Variants in CFH observed in about 807,000 individuals in gnomAD.
CFH encodes the protein complement factor H.
CFH carries 53 observed loss-of-function variants against 147.3 expected under a neutral mutation model. The ratio of observed to expected loss-of-function variants is 0.36; its 90% CI spans 0.29 to 0.45. CFH has a LOEUF of 0.45. Ranked by LOEUF, CFH falls within the 20% of genes least tolerant of loss-of-function variation. The pLI is 1.00. For missense variants in CFH, 1,380 were observed against 1,498.0 expected (o/e 0.92, Z 1.30); for synonymous variants, 536 against 489.4 (o/e 1.10, Z -1.26).
chr1:196,709,225 C>T (rs191076288), intron 9 of CFH, among the ~76,000 whole-genome samples: 61 of 152,252 alleles, frequency 4.0e-4, no homozygotes, highest in Admixed American at 1.4e-3. Context: ...CTGCATACTC[C>T]ATGTTTTCCA....
intron 15 of CFH, among the ~76,000 whole-genome samples, chr1:196,731,953 T>C (rs538930503): frequency 6.6e-6 from 1 of 152,180 alleles, no homozygotes; most frequent in African/African-American, 2.4e-5. Flanking sequence ...GATTGTGTTA[T>C]GTCTTAAAGT....
chr1:196,715,062 A>C (rs1490401882), intron 10 of CFH, among the ~76,000 whole-genome samples: 5 of 151,996 alleles, frequency 3.3e-5, no homozygotes. Flanking sequence ...TATGAGGTCT[A>C]GTTTACAAAA....
rs1056699865 is a variant in CFH, at chr1:196,685,203, A to G, written c.930A>G (p.Thr310=). ...PATRGNTAKC[T]STGWIPAPRC... ...CCCGGGGAAATACAGCAAAATGCACAAGTACTGGCTGGATACCTGCTCCGA... is the reference window on the plus strand; with the variant it reads ...CCCGGGGAAATACAGCAAAATGCACGAGTACTGGCTGGATACCTGCTCCGA... The change falls in exon 7 of 22, where the codon ACA becomes ACG. Residue 310 remains threonine, a synonymous_variant. Transcript: ENST00000367429. 3.1e-6 allele frequency: 5 copies of G among 1,613,016 alleles called. No homozygotes were observed. The highest frequency in any genetic ancestry group is 4.2e-6 in the Non-Finnish European group (5 of 1,179,288).
chr1:196,692,099 C>A (rs192986113), intron 9 of CFH, among the ~76,000 whole-genome samples: 3 of 152,034 alleles, frequency 2.0e-5, no homozygotes, highest in Admixed American at 1.3e-4. Context: ...AATTTTTTAA[C>A]CAGCATTGCA....
At chr1:196,732,798 G>A (rs1355607792) in intron 15 of CFH, among the ~76,000 whole-genome samples, 1 of 152,030 alleles carries the variant, frequency 6.6e-6, no homozygotes, top group African/African-American at 2.4e-5. Flanking sequence ...TTGAAGACTT[G>A]GCTGTGTATT....
At chr1:196,671,587 T>TACACACACACACACAC (rs551313147) in intron 1 of CFH, among the ~76,000 whole-genome samples, 5 of 129,514 alleles carry the variant, frequency 3.9e-5, no homozygotes, top group Admixed American at 3.2e-4. Flanking sequence ...AAAAGACTAA[T>TACACACACACACACAC]ACACACACAC....
intron 10 of CFH, among the ~76,000 whole-genome samples, chr1:196,714,672 G>T (rs373069166): frequency 0.058 from 1,074 of 18,614 alleles, 1 homozygote; most frequent in Non-Finnish European, 0.079. Context: ...TATATATAGA[G>T]AGAGAGAGAG....
Position 196,677,630 on chromosome 1 carries a change from C to T in CFH, c.582C>T (p.Asp194=), listed in dbSNP as rs573136624. ...IEGDEEMHCS[D]DGFWSKEKPK... ...GAGATGAAGAAATGCATTGTTCAGA[C>T]GATGGTTTTTGGAGTAAAGAGAAAC... The change falls in exon 5 of 22, where the codon GAC becomes GAT. Residue 194 remains aspartate (D), a synonymous_variant. Coordinates refer to ENST00000367429, the MANE Select transcript of CFH (RefSeq NM_000186.4). 24 of 1,612,904 alleles carry T rather than the reference C, an allele frequency of 1.5e-5. No individual in the cohort carries two copies. The highest frequency in any genetic ancestry group is 8.9e-5 in the East Asian group (4 of 44,778).
At chr1:196,730,941 C>T (rs1055832196) in intron 15 of CFH, among the ~76,000 whole-genome samples, 2 of 151,592 alleles carry the variant, frequency 1.3e-5, no homozygotes, top group African/African-American at 4.8e-5. Context: ...TTTTCCATGC[C>T]TTCACTGCAA....
At chr1:196,728,075 A>G (rs573964215) in intron 14 of CFH, among the ~76,000 whole-genome samples, 7 of 152,230 alleles carry the variant, frequency 4.6e-5, no homozygotes, top group South Asian at 4.1e-4. Context: ...TATTTATCCA[A>G]TGAAATATCC....
chr1:196,652,453 T>G (rs1418764693), intron 1 of CFH, among the ~76,000 whole-genome samples: 2 of 151,956 alleles, frequency 1.3e-5, no homozygotes, highest in African/African-American at 4.8e-5. Context: ...ATCATTTCCC[T>G]TGTAATTATC....
At chr1:196,682,274 G>A (rs1024891613) in intron 6 of CFH, among the ~76,000 whole-genome samples, 1 of 151,728 alleles carries the variant, frequency 6.6e-6, no homozygotes, top group African/African-American at 2.4e-5. Context: ...CCTTGAATTA[G>A]TATTCTAACT....
intron 14 of CFH, among the ~76,000 whole-genome samples, chr1:196,727,610 C>T (rs1011687548): frequency 2.8e-4 from 43 of 151,976 alleles, no homozygotes; most frequent in African/African-American, 1.0e-3. Context: ...TATGGTATTC[C>T]TTTTTAGGCA....
At chr1:196,714,492 A>G (rs1189981055) in intron 10 of CFH, among the ~76,000 whole-genome samples, 2 of 150,480 alleles carry the variant, frequency 1.3e-5, no homozygotes, top group Non-Finnish European at 3.0e-5. Flanking sequence ...CACACTATCT[A>G]GATATTTATG....
In CFH at chr1:196,670,971, T is replaced by C. The variant is rs544372342; in HGVS notation, c.59-2007T>C. ...CTACACCACACATTTTTTTATACTC[T>C]GTTTTGTTTGTTGTTGTTTATACAC... On this transcript the variant is annotated intron_variant, in intron 1 of 21. Transcript: ENST00000367429. 1.1e-4 allele frequency among the ~76,000 whole-genome samples: 16 copies of C among 152,300 alleles called. No homozygotes were observed. The South Asian group carries it at 3.3e-3, about 32-fold the overall frequency.
chr1:196,714,788 T>C (rs1668828619), intron 10 of CFH, among the ~76,000 whole-genome samples: 1 of 146,344 alleles, frequency 6.8e-6, no homozygotes, highest in African/African-American at 2.5e-5. Context: ...GCAACCTCCA[T>C]TTTCCGTTTT....
intron 1 of CFH, among the ~76,000 whole-genome samples, chr1:196,658,372 C>T (rs1666780649): frequency 6.6e-6 from 1 of 150,376 alleles, no homozygotes; most frequent in African/African-American, 2.5e-5. Context: ...CTAAGCATCC[C>T]AAGTAGCAGG....
rs545611835 is a variant in CFH at position 196,742,203 on chromosome 1, C to T, written c.3133+152C>T. 8.0e-5 allele frequency: 53 copies of T among 664,144 alleles called. No homozygotes were observed. The Middle Eastern group carries it at 1.7e-3, about 21-fold the overall frequency. The allele number at this position is 664,144 out of a possible 1,614,324, so 41.1% of individuals were successfully genotyped here. A position where few individuals can be genotyped will look rare whatever the true frequency, so the allele number is the denominator to read the frequency against. Reference sequence around the variant, plus strand: ...CAGCCTGGCCAACATGGTGAAAACCCGTCTCTACTAAAAATACAAAAAAAT... The same window carrying T: ...CAGCCTGGCCAACATGGTGAAAACCTGTCTCTACTAAAAATACAAAAAAAT... On this transcript the variant is annotated intron_variant, in intron 19 of 21. Coordinates refer to ENST00000367429, the MANE Select transcript of CFH (RefSeq NM_000186.4).
chr1:196,741,762 G>T (rs940065381), intron 18 of CFH, 113 bp from the exon 19 acceptor site: 8 of 928,244 alleles, frequency 8.6e-6, no homozygotes, highest in African/African-American at 8.3e-5. Flanking sequence ...TAAGAAAAAT[G>T]TTGTACAGTA....
Sources: allele counts gnomAD v4.1 joint callset (sites outside exome capture counted in the v4.1 genomes callset), GRCh38; gene constraint gnomAD v4.1.1; transcripts MANE v1.5; gene names NCBI Gene and HGNC (gene_info 2026-07-23, HGNC 2026-07-21).